BTBD9: variants seen among roughly 807,000 people sequenced by gnomAD.
The protein encoded by BTBD9 is BTB/POZ domain-containing protein 9.
Under a neutral mutation model 64.3 loss-of-function variants are expected in BTBD9, and 49 were observed. The ratio of observed to expected loss-of-function variants is 0.76; its 90% CI spans 0.61 to 0.97. The LOEUF is 0.97. BTBD9 is among the 50% of genes least tolerant of loss of function. The pLI is 0.00. For synonymous variants in BTBD9, 260 were observed against 274.7 expected, an observed-to-expected ratio of 0.95 and a Z score of 0.53; for missense variants, 598 against 762.1, an observed-to-expected ratio of 0.78 and a Z score of 2.53.
intron 9 of BTBD9, among the ~76,000 whole-genome samples, chr6:38,223,198 C>G (rs1032649628): frequency 1.2e-4 from 18 of 152,274 alleles, no homozygotes; most frequent in Non-Finnish European, 2.1e-4. Context: ...TGAGCCACTA[C>G]GCCCGGCCTA....
At chr6:38,624,685 A>G (rs911258134) in intron 1 of BTBD9, among the ~76,000 whole-genome samples, 2 of 147,066 alleles carry the variant, frequency 1.4e-5, no homozygotes, top group Non-Finnish European at 2.9e-5. Context: ...CCCATCCAGA[A>G]AAAAAAAACA....
At chr6:38,542,831 A>G (rs760296531) in intron 6 of BTBD9, among the ~76,000 whole-genome samples, 23 of 152,152 alleles carry the variant, frequency 1.5e-4, no homozygotes, top group Non-Finnish European at 3.1e-4. Flanking sequence ...GCTATTATCA[A>G]TGCAATCTTA....
At chr6:38,370,467 G>A (rs1169876320) in intron 6 of BTBD9, among the ~76,000 whole-genome samples, 3 of 152,124 alleles carry the variant, frequency 2.0e-5, no homozygotes, top group Non-Finnish European at 2.9e-5. Context: ...CATTACTATA[G>A]AATTATTTTA....
intron 8 of BTBD9, among the ~76,000 whole-genome samples, chr6:38,257,832 G>C (rs981237674): frequency 1.3e-5 from 2 of 152,042 alleles, no homozygotes; most frequent in African/African-American, 4.8e-5. Context: ...GACTAGGAAA[G>C]GGTAAAAGGG....
chr6:38,322,179 G>A (rs912676807), intron 7 of BTBD9, among the ~76,000 whole-genome samples: 2 of 151,982 alleles, frequency 1.3e-5, no homozygotes, highest in Admixed American at 6.6e-5. Context: ...TGATAAGGAC[G>A]GAGAAGAGAC....
chr6:38,278,541 C>T (rs189166278), intron 8 of BTBD9, among the ~76,000 whole-genome samples: 1 of 152,150 alleles, frequency 6.6e-6, no homozygotes. Flanking sequence ...TGCAGGATCA[C>T]GAAACAAATT....
At chr6:38,218,770 G>A (rs1295072514) in intron 9 of BTBD9, among the ~76,000 whole-genome samples, 1 of 152,152 alleles carries the variant, frequency 6.6e-6, no homozygotes, top group Non-Finnish European at 1.5e-5. Context: ...GGAAATGCTG[G>A]TCAGCTTGAC....
chr6:38,617,364 A>G (rs1282987891), intron 1 of BTBD9, among the ~76,000 whole-genome samples: 1 of 152,086 alleles, frequency 6.6e-6, no homozygotes, highest in African/African-American at 2.4e-5. Flanking sequence ...CTGGGTCCCA[A>G]TGCCTCTCAG....
intron 6 of BTBD9, among the ~76,000 whole-genome samples, chr6:38,499,955 C>T (rs549997512): frequency 3.4e-4 from 51 of 152,236 alleles, no homozygotes; most frequent in Non-Finnish European, 6.9e-4. Context: ...AGCTGAGCTC[C>T]GTATCTTAGT....
At chr6:38,415,132 C>T (rs1237456074) in intron 6 of BTBD9, among the ~76,000 whole-genome samples, 2 of 152,126 alleles carry the variant, frequency 1.3e-5, no homozygotes, top group African/African-American at 2.4e-5. Flanking sequence ...GCATACCTTT[C>T]GTAGGTAGCA....
chr6:38,516,975 G>T (rs955039140), intron 6 of BTBD9, among the ~76,000 whole-genome samples: 1 of 152,160 alleles, frequency 6.6e-6, no homozygotes, highest in Admixed American at 6.5e-5. Flanking sequence ...GGCATTGTAA[G>T]AACTTACAGA....
At chr6:38,182,622 C>T (rs1171925818) in intron 10 of BTBD9, among the ~76,000 whole-genome samples, 1 of 152,182 alleles carries the variant, frequency 6.6e-6, no homozygotes, top group African/African-American at 2.4e-5. Context: ...CTTTGTGTGA[C>T]CAGGCTCCGC....
intron 8 of BTBD9, among the ~76,000 whole-genome samples, chr6:38,271,793 A>G (rs1258056953): frequency 1.3e-5 from 2 of 152,210 alleles, no homozygotes; most frequent in Non-Finnish European, 2.9e-5. Context: ...AGAAATGTCT[A>G]AAGTCTCTTT....
intron 6 of BTBD9, among the ~76,000 whole-genome samples, chr6:38,536,756 A>T (rs1319417103): frequency 6.6e-6 from 1 of 152,142 alleles, no homozygotes; most frequent in African/African-American, 2.4e-5. Flanking sequence ...TTGTGAGGCT[A>T]AAAAAATGAA....
At chr6:38,555,704 C>T (rs1444619099) in intron 6 of BTBD9, among the ~76,000 whole-genome samples, 1 of 152,204 alleles carries the variant, frequency 6.6e-6, no homozygotes, top group African/African-American at 2.4e-5. Flanking sequence ...TTTTGAAATG[C>T]TTACCATGTC....
At chr6:38,588,849 T>C (rs1776663057) in intron 4 of BTBD9, among the ~76,000 whole-genome samples, 1 of 152,226 alleles carries the variant, frequency 6.6e-6, no homozygotes, top group Non-Finnish European at 1.5e-5. Flanking sequence ...TACTTGGCTT[T>C]CTGCTATTAA....
At chr6:38,389,777 A>C (rs778244342) in intron 6 of BTBD9, among the ~76,000 whole-genome samples, 1 of 152,230 alleles carries the variant, frequency 6.6e-6, no homozygotes, top group Non-Finnish European at 1.5e-5. Context: ...GGAACTGTGA[A>C]TATTAAACTA....
intron 6 of BTBD9, among the ~76,000 whole-genome samples, chr6:38,404,888 C>T (rs1421797758): frequency 6.6e-6 from 1 of 152,162 alleles, no homozygotes; most frequent in Non-Finnish European, 1.5e-5. Context: ...GAGACAAATT[C>T]AGAAATCTCT....
At chr6:38,494,307 A>G (rs1286224411) in intron 6 of BTBD9, among the ~76,000 whole-genome samples, 1 of 152,174 alleles carries the variant, frequency 6.6e-6, no homozygotes, top group Non-Finnish European at 1.5e-5. Context: ...CTATTGCCAA[A>G]TTTCCCTCAC....
Sources: allele counts gnomAD v4.1 joint callset (sites outside exome capture counted in the v4.1 genomes callset), GRCh38; gene constraint gnomAD v4.1.1; transcripts MANE v1.5; gene names NCBI Gene and HGNC (gene_info 2026-07-23, HGNC 2026-07-21).